LINGO2: variants seen among roughly 807,000 people sequenced by gnomAD.
LINGO2 encodes leucine-rich repeat and immunoglobulin-like domain-containing nogo receptor-interacting protein 2.
In LINGO2, 14 loss-of-function variants were observed where a neutral mutation model predicts 30.6. That is an observed-to-expected ratio of 0.46 (90% CI 0.30 to 0.72). The LOEUF is 0.72. Ranked by LOEUF, LINGO2 falls within the 30% of genes least tolerant of loss-of-function variation. The probability of loss-of-function intolerance (pLI) is 0.07; values close to 1 mark genes in which losing one functional copy is unlikely to be tolerated. For missense variants in LINGO2, 729 were observed against 751.7 expected, an observed-to-expected ratio of 0.97 and a Z score of 0.35; for synonymous variants, 317 against 288.5, an observed-to-expected ratio of 1.10 and a Z score of -1.00.
the LINGO2 span, among the ~76,000 whole-genome samples, chr9:28,762,632 T>C: frequency 6.6e-6 from 1 of 152,074 alleles, no homozygotes; most frequent in Non-Finnish European, 1.5e-5. Flanking sequence ...TGCTGCTGCC[T>C]AGATATCTGC....
intron 2 of LINGO2, among the ~76,000 whole-genome samples, chr9:28,387,447 T>A (rs187583302): frequency 6.6e-6 from 1 of 152,330 alleles, no homozygotes. Flanking sequence ...AATAAGTGAA[T>A]AAAAGCTGGC....
intron 1 of LINGO2, among the ~76,000 whole-genome samples, chr9:28,492,518 C>T (rs1202955462): frequency 6.6e-6 from 1 of 152,044 alleles, no homozygotes; most frequent in Non-Finnish European, 1.5e-5. Context: ...AATAAAATTC[C>T]ACATAGTCCT....
the LINGO2 span, among the ~76,000 whole-genome samples, chr9:28,885,878 T>A: frequency 6.6e-6 from 1 of 151,836 alleles, no homozygotes; most frequent in Non-Finnish European, 1.5e-5. Flanking sequence ...CTCCAGAGAG[T>A]TTCAAACTGC....
chr9:28,517,484 G>C (rs1298623481), intron 1 of LINGO2, among the ~76,000 whole-genome samples: 1 of 152,156 alleles, frequency 6.6e-6, no homozygotes, highest in Non-Finnish European at 1.5e-5. Context: ...AAGAATTGGA[G>C]GGGAGGAAGA....
the LINGO2 span, among the ~76,000 whole-genome samples, chr9:28,902,338 G>A: frequency 1.3e-5 from 2 of 152,098 alleles, no homozygotes; most frequent in Non-Finnish European, 2.9e-5. Context: ...AACTCATGAA[G>A]AAGATATAAA....
the LINGO2 span, among the ~76,000 whole-genome samples, chr9:28,851,853 T>TA: frequency 6.6e-6 from 1 of 151,146 alleles, no homozygotes; most frequent in Admixed American, 6.6e-5. Context: ...TTATTTGCAC[T>TA]GAATTAATAA....
At chr9:28,971,504 T>C in the LINGO2 span, among the ~76,000 whole-genome samples, 1 of 152,212 alleles carries the variant, frequency 6.6e-6, no homozygotes, top group Non-Finnish European at 1.5e-5. Flanking sequence ...CAATTTGGCA[T>C]TACTCTCTGT....
the LINGO2 span, among the ~76,000 whole-genome samples, chr9:28,677,287 G>C: frequency 6.6e-6 from 1 of 152,238 alleles, no homozygotes; most frequent in African/African-American, 2.4e-5. Context: ...GATAACAATT[G>C]TGCGGACATG....
intron 4 of LINGO2, among the ~76,000 whole-genome samples, chr9:28,046,203 C>G (rs1240343874): frequency 1.3e-5 from 2 of 152,118 alleles, no homozygotes; most frequent in Non-Finnish European, 2.9e-5. Context: ...ATGCAGTATA[C>G]GATTGATATT....
the LINGO2 span, among the ~76,000 whole-genome samples, chr9:29,153,599 A>G: frequency 1.3e-5 from 2 of 152,216 alleles, no homozygotes; most frequent in African/African-American, 4.8e-5. Flanking sequence ...TATTACTTCA[A>G]AGTACATGTT....
chr9:28,512,611 A>G (rs61678760), intron 1 of LINGO2, among the ~76,000 whole-genome samples: 5 of 4,454 alleles, frequency 1.1e-3, no homozygotes, highest in Admixed American at 5.5e-3. Context: ...ATATATATAT[A>G]TATATATATA....
chr9:28,391,905 T>C (rs192772226), intron 2 of LINGO2, among the ~76,000 whole-genome samples: 146 of 152,292 alleles, frequency 9.6e-4, no homozygotes, highest in African/African-American at 3.2e-3. Flanking sequence ...TCCATAATTA[T>C]GTCCCTATAA....
chr9:28,910,462 GCT>G, the LINGO2 span, among the ~76,000 whole-genome samples: 1 of 151,970 alleles, frequency 6.6e-6, no homozygotes, highest in South Asian at 2.1e-4. Context: ...ATAATGTTTG[GCT>G]CTGTGTCCCC....
chr9:29,095,280 A>G, the LINGO2 span, among the ~76,000 whole-genome samples: 2 of 139,058 alleles, frequency 1.4e-5, 1 homozygote, highest in Non-Finnish European at 3.1e-5. Flanking sequence ...GATAATTCCA[A>G]TAAGAGTAAA....
the LINGO2 span, among the ~76,000 whole-genome samples, chr9:29,128,436 G>C: frequency 6.6e-6 from 1 of 152,120 alleles, no homozygotes; most frequent in African/African-American, 2.4e-5. Flanking sequence ...GGAAACACTT[G>C]ATATTCTTTT....
At chr9:29,173,589 G>T in the LINGO2 span, among the ~76,000 whole-genome samples, 1 of 152,050 alleles carries the variant, frequency 6.6e-6, no homozygotes, top group East Asian at 1.9e-4. Flanking sequence ...TCCACAAATT[G>T]TATGTCTCTT....
chr9:28,798,706 G>A, the LINGO2 span, among the ~76,000 whole-genome samples: 1 of 152,236 alleles, frequency 6.6e-6, no homozygotes. Flanking sequence ...GCCATGTTCA[G>A]CTGCACGGTT....
chr9:28,686,957 T>C, the LINGO2 span, among the ~76,000 whole-genome samples: 5 of 151,836 alleles, frequency 3.3e-5, no homozygotes, highest in Admixed American at 1.3e-4. Context: ...GTCACACCTG[T>C]AGTAGGTATT....
the LINGO2 span, among the ~76,000 whole-genome samples, chr9:28,727,348 C>T: frequency 1.3e-5 from 2 of 151,726 alleles, no homozygotes; most frequent in African/African-American, 2.4e-5. Context: ...TGCAGTGGTG[C>T]GATCTCAGCT....
Sources: gnomAD v4.1 joint callset for allele counts (sites outside exome capture counted in the v4.1 genomes callset) on GRCh38, gnomAD v4.1.1 for gene constraint, MANE v1.5 for transcripts, NCBI Gene and HGNC (gene_info 2026-07-23, HGNC 2026-07-21) for gene names.